Variants in PHKA2 observed in about 807,000 individuals in gnomAD.
PHKA2 encodes phosphorylase kinase regulatory subunit alpha 2.
A neutral mutation model predicts 102.0 loss-of-function variants in PHKA2; 31 were observed. The ratio of observed to expected loss-of-function variants is 0.30; its 90% CI spans 0.23 to 0.41. PHKA2 has a LOEUF of 0.41. Ranked by LOEUF, PHKA2 falls within the 10% of genes least tolerant of loss-of-function variation. PHKA2 has a pLI of 1.00. For synonymous variants in PHKA2, 455 were observed against 416.2 expected (o/e 1.09, Z -1.13); for missense variants, 858 against 1,023.1 (o/e 0.84, Z 2.20).
chrX:18,892,776 T>C lies in PHKA2; in HGVS notation c.*709A>G, dbSNP rs1178619874. 1 of 106,206 alleles carries C rather than the reference T, an allele frequency of 9.4e-6. No individual in the cohort carries two copies. Among genetic ancestry groups the C allele is most frequent in the East Asian group, 2.9e-4 (1 of 3,418 alleles). 8.8% of individuals were successfully genotyped at this position (106,206 alleles called of 1,213,427 possible). ...TTTTTTTTTTCTAGATTCCAGAAGA[T>C]GCAGTATTTTTCCTAAGGCAGGAGA... On this transcript the variant is annotated 3_prime_UTR_variant, in exon 33 of 33. Transcript: ENST00000379942.
At chrX:18,901,303 G>A (rs779486872) in intron 27 of PHKA2, among the ~76,000 whole-genome samples, 182 bp downstream of exon 27, 213 of 110,908 alleles carry the variant, frequency 1.9e-3, no homozygotes, top group Non-Finnish European at 2.8e-3. Context: ...GTAAGGGTGC[G>A]CATGACCGGC....
At chrX:18,899,491 A>C (rs1411385941) in intron 28 of PHKA2, among the ~76,000 whole-genome samples, 2 of 112,618 alleles carry the variant, frequency 1.8e-5, no homozygotes, top group African/African-American at 6.4e-5. Flanking sequence ...TAAACATTAA[A>C]TGTTCCTGTC....
At position 18,893,489 on chromosome X, in the gene PHKA2, T is replaced by G. The variant is rs759346868; in HGVS notation, c.3704A>C (p.Gln1235Pro). Residue 1235 changes from glutamine (Q) to proline (P), a missense_variant, in exon 33 of 33, where the codon CAA becomes CCA. Gln to Pro is a moderately conservative substitution (Grantham distance 76). Transcript: ENST00000379942. ...ELLPNSGCQM[Q>P] The stretch of plus-strand genomic sequence containing the variant: ...ATCATGTTTCCAGGTGAGACCCTAT[T>G]GCATCTGGCAGCCCGAATTGGGCAA... 1 of 1,210,697 alleles carries G rather than the reference T, an allele frequency of 8.3e-7. No homozygotes were observed. The highest frequency in any genetic ancestry group is 2.2e-5 in the Admixed American group (1 of 46,015).
intron 12 of PHKA2, among the ~76,000 whole-genome samples, chrX:18,930,086 T>C (rs974043395): frequency 5.3e-5 from 6 of 112,635 alleles, no homozygotes; most frequent in African/African-American, 1.9e-4. Flanking sequence ...GTTGAAACTA[T>C]GCATAAAAAC....
chrX:18,954,521 G>A, intron 1 of PHKA2, 109 bp from the exon 2 acceptor site: 1 of 753,534 alleles, frequency 1.3e-6, no homozygotes, highest in Non-Finnish European at 2.0e-6. Flanking sequence ...GGAGCAGGGA[G>A]ACCAAAGTTC....
At chrX:18,929,568 C>G (rs1234179734) in intron 12 of PHKA2, among the ~76,000 whole-genome samples, 1 of 111,911 alleles carries the variant, frequency 8.9e-6, no homozygotes, top group Non-Finnish European at 1.9e-5. Flanking sequence ...GAATGATAAC[C>G]AATACTTTCT....
chrX:18,893,626 C>T lies in PHKA2; in HGVS notation c.3567G>A (p.Glu1189=), dbSNP rs773943898. ...QVSIGAMDTL[E]KDQATGICHF... ...GGCAGATTCCTGTGGCTTGGTCTTT[C>T]TCCAGGGTGTCCATGGCACCAATTG... The change falls in exon 33 of 33, where the codon GAG becomes GAA. Residue 1189 remains glutamate, a synonymous_variant. Transcript: ENST00000379942. The T allele has an allele frequency of 1.7e-5, 20 of 1,210,373 alleles. No homozygotes were observed. The highest frequency in any genetic ancestry group is 2.1e-5 in the Non-Finnish European group (19 of 895,037).
At chrX:18,934,958 C>A (rs966152905) in intron 11 of PHKA2, among the ~76,000 whole-genome samples, 1 of 112,519 alleles carries the variant, frequency 8.9e-6, no homozygotes, top group Non-Finnish European at 1.9e-5. Flanking sequence ...CTTTAAAAGG[C>A]CCTGCCAGTC....
rs1046766537 is a variant in PHKA2 at position 18,907,670 on chromosome X, G to A, written c.2517+230C>T. Among the ~76,000 whole-genome samples, 17 of 111,570 alleles carry A rather than the reference G, an allele frequency of 1.5e-4. No individual in the cohort carries two copies. In the Admixed American group the frequency reaches 1.5e-3, roughly 10 times the overall value. On this transcript the variant is annotated intron_variant, in intron 22 of 32. Coordinates refer to ENST00000379942, the MANE Select transcript of PHKA2 (RefSeq NM_000292.3). ...GAGCACTTTCATTTGATTTCCTGGC[G>A]AGACTTTTTCCGTAGCCAAGAAAGA...
intron 1 of PHKA2, among the ~76,000 whole-genome samples, chrX:18,974,541 C>T (rs2049059311): frequency 9.0e-6 from 1 of 111,658 alleles, no homozygotes; most frequent in South Asian, 3.8e-4. Context: ...AACAAAATAC[C>T]ATAGATCGGG....
intron 1 of PHKA2, among the ~76,000 whole-genome samples, chrX:18,956,944 C>T (rs2048785796): frequency 8.9e-6 from 1 of 112,150 alleles, no homozygotes; most frequent in Non-Finnish European, 1.9e-5. Flanking sequence ...CTCTTCTCAC[C>T]CAGGCTGGAG....
rs797044877 is a variant in PHKA2, at chrX:18,940,029, C to T, written c.884G>A (p.Arg295His). Residue 295 changes from arginine to histidine, a missense_variant, in exon 9 of 33, where the codon CGC becomes CAC. Around this residue, in one of 2 missense-constraint regions of PHKA2, gnomAD observed 187 missense variants for 277.9 expected, o/e 0.67. Coordinates refer to ENST00000379942, the MANE Select transcript of PHKA2 (RefSeq NM_000292.3). ...AGTTTTATAACCATCTCGAAGGAAG[C>T]GACAGCATCCATAACGCCCCTAATA... ...SKLQGRYGCC[R>H]FLRDGYKTPR... 1 of 1,194,700 alleles carries T rather than the reference C, an allele frequency of 8.4e-7. No homozygotes were observed. Among genetic ancestry groups the T allele is most frequent in the Non-Finnish European group, 1.1e-6 (1 of 880,209 alleles).
intron 1 of PHKA2, among the ~76,000 whole-genome samples, chrX:18,975,497 A>G (rs182793640): frequency 4.5e-5 from 5 of 111,902 alleles, no homozygotes; most frequent in East Asian, 2.8e-4. Context: ...TATCAGCAGC[A>G]TGAAAACGGA....
chrX:18,897,446 C>T (rs887595402), intron 29 of PHKA2, 113 bp from the exon 30 acceptor site: 59 of 663,752 alleles, frequency 8.9e-5, no homozygotes, highest in Non-Finnish European at 1.2e-4. Flanking sequence ...GAACACCACT[C>T]GCCAGAGAGG....
At chrX:18,935,089 G>A (rs952262674) in intron 11 of PHKA2, among the ~76,000 whole-genome samples, 3 of 112,102 alleles carry the variant, frequency 2.7e-5, no homozygotes, top group Non-Finnish European at 3.8e-5. Flanking sequence ...GGGAAGACAC[G>A]GTCCTCTGAA....
At position 18,893,287 on chromosome X, in the gene PHKA2, C is replaced by G. The variant is rs1187156771; in HGVS notation, c.*198G>C. On this transcript the variant is annotated 3_prime_UTR_variant, in exon 33 of 33. Transcript: ENST00000379942. ...TCCCGGGGTGCTCCTTGCGGGGGAA[C>G]ACAGGACTCCTCAGCTCTATCTCTG... 2.1e-6 allele frequency: 1 copy of G among 474,556 alleles called. No homozygotes were observed. Among genetic ancestry groups the G allele is most frequent in the Non-Finnish European group, 3.7e-6 (1 of 268,676 alleles). The allele number at this position is 474,556 out of a possible 1,213,427, so 39.1% of individuals were successfully genotyped here.
intron 19 of PHKA2, among the ~76,000 whole-genome samples, chrX:18,918,225 C>G (rs750944926): frequency 5.4e-5 from 6 of 111,811 alleles, no homozygotes; most frequent in Non-Finnish European, 9.4e-5. Context: ...AAATGAAAAG[C>G]CAGGGTAACT....
intron 26 of PHKA2, 128 bp downstream of exon 26, chrX:18,905,630 C>T: frequency 3.6e-6 from 2 of 560,962 alleles, no homozygotes; most frequent in South Asian, 4.6e-5. Context: ...GCCTAGGACT[C>T]TGTCCATCTC....
intron 22 of PHKA2, 139 bp downstream of exon 22, chrX:18,907,761 G>A: frequency 1.6e-6 from 1 of 638,369 alleles, no homozygotes; most frequent in South Asian, 2.3e-5. Flanking sequence ...GCAGGCAGGA[G>A]AGAAGGGCCC....
Sources: gnomAD v4.1 joint callset for allele counts (sites outside exome capture counted in the v4.1 genomes callset) on GRCh38, gnomAD v4.1.1 for gene constraint, gnomAD v4.1.1 regional missense constraint, MANE v1.5 for transcripts, NCBI Gene and HGNC (gene_info 2026-07-23, HGNC 2026-07-21) for gene names.